EXOC1: variants seen among roughly 807,000 people sequenced by gnomAD.
EXOC1 encodes SEC3-like 1.
Under a neutral mutation model 107.7 loss-of-function variants are expected in EXOC1, and 67 were observed. The ratio of observed to expected loss-of-function variants is 0.62; its 90% confidence interval spans 0.51 to 0.76. EXOC1 has a LOEUF of 0.76. Ranked by LOEUF, EXOC1 falls within the 30% of genes least tolerant of loss-of-function variation. The pLI, the probability that EXOC1 is intolerant of heterozygous loss-of-function variation, is 0.00. For missense variants in EXOC1, 833 were observed against 1,055.7 expected, an observed-to-expected ratio of 0.79 and a Z score of 2.92; for synonymous variants, 348 against 353.5, an observed-to-expected ratio of 0.98 and a Z score of 0.17.
At chr4:55,864,081 T>C (rs1270642310) in intron 3 of EXOC1, 146 bp from the exon 4 acceptor site, 1 of 570,326 alleles carries the variant, frequency 1.8e-6, no homozygotes, top group African/African-American at 1.9e-5. Flanking sequence ...TAAATTGAAT[T>C]CTCCAAACTC....
intron 14 of EXOC1, 70 bp downstream of exon 14, chr4:55,892,781 G>A: frequency 1.4e-6 from 2 of 1,428,462 alleles, no homozygotes; most frequent in Non-Finnish European, 9.9e-7. Context: ...GCTGCTCATT[G>A]AGGGGTCTAG....
chr4:55,855,272 G>T (rs1720853991), intron 1 of EXOC1, among the ~76,000 whole-genome samples: 1 of 152,212 alleles, frequency 6.6e-6, no homozygotes, highest in African/African-American at 2.4e-5. Context: ...ACCTGGGTCA[G>T]TATATTTGCA....
intron 17 of EXOC1, among the ~76,000 whole-genome samples, chr4:55,900,284 C>T (rs1230582897): frequency 6.6e-6 from 1 of 152,068 alleles, no homozygotes; most frequent in Non-Finnish European, 1.5e-5. Flanking sequence ...CTAGATTAGG[C>T]TTTGCCGTTA....
chr4:55,854,371 A>G (rs996913455), intron 1 of EXOC1, among the ~76,000 whole-genome samples: 18 of 152,296 alleles, frequency 1.2e-4, no homozygotes, highest in African/African-American at 4.3e-4. Context: ...GCTGAAGGAA[A>G]CAACCAGTAC....
intron 2 of EXOC1, among the ~76,000 whole-genome samples, chr4:55,859,028 C>G (rs1721237126): frequency 6.6e-6 from 1 of 152,102 alleles, no homozygotes; most frequent in Non-Finnish European, 1.5e-5. Flanking sequence ...TTGCCTTTTA[C>G]AGTTTAGTCT....
chr4:55,899,905 T>A, intron 17 of EXOC1, 21 bp downstream of exon 17: 1 of 1,589,706 alleles, frequency 6.3e-7, no homozygotes, highest in South Asian at 1.1e-5. Context: ...TTTCATTCAG[T>A]ATTTTTCCTA....
At chr4:55,890,951 C>T (rs1021992016) in intron 12 of EXOC1, among the ~76,000 whole-genome samples, 4 of 152,170 alleles carry the variant, frequency 2.6e-5, no homozygotes, top group African/African-American at 9.7e-5. Context: ...TGGTTTCGAA[C>T]TCCTGAGCTC....
intron 5 of EXOC1, 137 bp downstream of exon 5, chr4:55,868,660 C>A: frequency 1.6e-6 from 1 of 620,794 alleles, no homozygotes; most frequent in Non-Finnish European, 2.6e-6. Context: ...ACATTACCAG[C>A]TGCCATCAGT....
chr4:55,877,162 C>A, intron 8 of EXOC1: 1 of 979,244 alleles, frequency 1.0e-6, no homozygotes, highest in Non-Finnish European at 1.2e-6. Context: ...CTAATGTGTA[C>A]CAACTAGTAT....
intron 13 of EXOC1, among the ~76,000 whole-genome samples, 194 bp from the exon 14 acceptor site, chr4:55,892,441 G>A (rs1238167994): frequency 6.6e-6 from 1 of 152,032 alleles, no homozygotes; most frequent in Non-Finnish European, 1.5e-5. Context: ...TAAAACCTAA[G>A]AAGAGTATCT....
chr4:55,901,455 T>C (rs958019837), intron 17 of EXOC1, among the ~76,000 whole-genome samples: 8 of 152,092 alleles, frequency 5.3e-5, no homozygotes, highest in African/African-American at 1.9e-4. Context: ...AATACAGTTA[T>C]GCCAGTCAAT....
At chr4:55,892,504 G>C in intron 13 of EXOC1, 131 bp from the exon 14 acceptor site, 2 of 692,294 alleles carry the variant, frequency 2.9e-6, no homozygotes, top group Non-Finnish European at 5.0e-6. Context: ...TTATCATAAT[G>C]CTACCTTTAA....
chr4:55,889,519 G>A (rs1724271217), intron 11 of EXOC1, among the ~76,000 whole-genome samples: 1 of 152,014 alleles, frequency 6.6e-6, no homozygotes, highest in African/African-American at 2.4e-5. Flanking sequence ...AAACACAGAT[G>A]TCCCATATTA....
Position 55,871,959 on chromosome 4 carries a change from G to A in EXOC1, c.1074+1G>A. 6.2e-7 allele frequency: 1 copy of A among 1,611,554 alleles called. No individual in the cohort carries two copies. The highest frequency in any genetic ancestry group is 8.5e-7 in the Non-Finnish European group (1 of 1,178,546). ...CCTCAACAATGTTTTTGTTCAACAG[G>A]TAATTTTATTTTATTATTAAAACGA... On this transcript the variant is annotated splice_donor_variant, in intron 8 of 18. Coordinates refer to ENST00000381295, the MANE Select transcript of EXOC1 (RefSeq NM_001024924.2). LOFTEE classifies it high-confidence loss of function.
Position 55,904,554 on chromosome 4 carries a change from C to A in EXOC1, c.*59C>A. 2.0e-6 allele frequency: 3 copies of A among 1,466,300 alleles called. No individual in the cohort carries two copies. Among genetic ancestry groups the A allele is most frequent in the Admixed American group, 2.3e-5 (1 of 42,682 alleles). 90.8% of individuals were successfully genotyped at this position (1,466,300 alleles called of 1,614,324 possible). ...GCATTTGAGTATAACAGACACTATACCAAAATACCAAGCAACTGTTTTGAG... is the reference window on the plus strand; with the variant it reads ...GCATTTGAGTATAACAGACACTATAACAAAATACCAAGCAACTGTTTTGAG... On this transcript the variant is annotated 3_prime_UTR_variant, in exon 19 of 19. Coordinates refer to ENST00000381295, the MANE Select transcript of EXOC1 (RefSeq NM_001024924.2).
chr4:55,865,358 T>A (rs1365158650), intron 4 of EXOC1, among the ~76,000 whole-genome samples: 1 of 152,206 alleles, frequency 6.6e-6, no homozygotes, highest in Non-Finnish European at 1.5e-5. Context: ...GTGAGCCTGC[T>A]GCTGATTTTA....
intron 9 of EXOC1, chr4:55,883,062 C>T (rs1723557645): frequency 6.6e-6 from 1 of 151,860 alleles, no homozygotes; most frequent in Admixed American, 6.6e-5. Context: ...CCAAAGGATA[C>T]AAAAATGTTT....
At position 55,892,638 on chromosome 4, in the gene EXOC1, G is replaced by A; in HGVS notation, c.1651G>A (p.Glu551Lys). 2 of 1,614,014 alleles carry A rather than the reference G, an allele frequency of 1.2e-6. No homozygotes were observed. Among genetic ancestry groups the A allele is most frequent in the Non-Finnish European group, 1.7e-6 (2 of 1,179,918 alleles). The change falls in exon 14 of 19, where the codon GAA (glutamate) becomes AAA (lysine). Residue 551 changes from glutamate (E) to lysine (K), a missense_variant. By Grantham distance (56) the Glu-to-Lys change is moderately conservative (BLOSUM62 1). This residue lies in a region of EXOC1 where 617 missense variants were observed against 701.3 expected (regional missense o/e 0.88). Coordinates refer to ENST00000381295, the MANE Select transcript of EXOC1 (RefSeq NM_001024924.2). ...AGTGCCTGAATAATTTTTGCAGGCT[G>A]AAGCAGAGGACCTGGATGGAGGAAC... is the stretch of plus-strand genomic sequence containing the variant. ...QHQSMPGTMA[E>K]AEDLDGGTLS...
chr4:55,855,010 G>A (rs1720829482), intron 1 of EXOC1, among the ~76,000 whole-genome samples: 1 of 152,190 alleles, frequency 6.6e-6, no homozygotes, highest in Non-Finnish European at 1.5e-5. Flanking sequence ...TCAACTTCAT[G>A]TAAACCATGA....
Sources: gnomAD v4.1 joint callset for allele counts (sites outside exome capture counted in the v4.1 genomes callset) on GRCh38, gnomAD v4.1.1 for gene constraint, gnomAD v4.1.1 regional missense constraint, MANE v1.5 for transcripts, NCBI Gene and HGNC (gene_info 2026-07-23, HGNC 2026-07-21) for gene names.